Variants in MGMT observed in about 807,000 individuals in gnomAD.
MGMT encodes O-6-methylguanine-DNA methyltransferase.
In MGMT, 14 loss-of-function variants were observed where a neutral mutation model predicts 15.9. The observed-to-expected ratio is 0.88, with a 90% CI of 0.58 to 1.37. The LOEUF is 1.37. MGMT is among the 40% of genes most tolerant of loss of function. The pLI is 0.00. For synonymous variants in MGMT, 130 were observed against 118.2 expected, an observed-to-expected ratio of 1.10 and a Z score of -0.65; for missense variants, 282 against 268.1, an observed-to-expected ratio of 1.05 and a Z score of -0.36.
intron 3 of MGMT, among the ~76,000 whole-genome samples, chr10:129,746,347 C>CT (rs200061830): frequency 2.5e-4 from 38 of 150,196 alleles, no homozygotes; most frequent in African/African-American, 6.3e-4. Flanking sequence ...TTATCTCTCT[C>CT]TTTTTTTTAT....
At chr10:129,476,505 G>A (rs1006375819) in intron 1 of MGMT, among the ~76,000 whole-genome samples, 1 of 152,166 alleles carries the variant, frequency 6.6e-6, no homozygotes, top group African/African-American at 2.4e-5. Flanking sequence ...GGTCTCCAGG[G>A]GTGTCCTGGG....
chr10:129,738,966 C>T (rs200231643), intron 3 of MGMT, among the ~76,000 whole-genome samples: 8 of 152,168 alleles, frequency 5.3e-5, no homozygotes, highest in Non-Finnish European at 7.3e-5. Context: ...ACCATCAAGT[C>T]GGCTTCATCC....
At chr10:129,536,476 CA>C in intron 2 of MGMT, 99 bp downstream of exon 2, 2 of 1,452,604 alleles carry the variant, frequency 1.4e-6, no homozygotes, top group Non-Finnish European at 1.9e-6. Context: ...CAGGGTAACG[CA>C]TAGCCTTACC....
chr10:129,499,409 T>G (rs1313131397), intron 1 of MGMT, among the ~76,000 whole-genome samples: 1 of 152,244 alleles, frequency 6.6e-6, no homozygotes, highest in Non-Finnish European at 1.5e-5. Context: ...ATTAGCTTAT[T>G]TCTCAAATAT....
chr10:129,470,472 A>C (rs1467991089), intron 1 of MGMT, among the ~76,000 whole-genome samples: 2 of 152,222 alleles, frequency 1.3e-5, no homozygotes, highest in Admixed American at 6.5e-5. Context: ...AATGTAATGA[A>C]TGACTGACTT....
chr10:129,733,875 T>C (rs1166856544), intron 3 of MGMT, among the ~76,000 whole-genome samples: 3 of 152,142 alleles, frequency 2.0e-5, no homozygotes, highest in African/African-American at 2.4e-5. Flanking sequence ...GTTGTAGATA[T>C]GCGGCGTTAT....
chr10:129,498,690 T>C (rs572805208), intron 1 of MGMT, among the ~76,000 whole-genome samples: 109 of 152,180 alleles, frequency 7.2e-4, no homozygotes, highest in African/African-American at 2.5e-3. Context: ...AGCGCTTTCC[T>C]ACTTTCTGGG....
chr10:129,685,742 A>G (rs996095398), intron 2 of MGMT, among the ~76,000 whole-genome samples: 1 of 152,246 alleles, frequency 6.6e-6, no homozygotes, highest in Non-Finnish European at 1.5e-5. Context: ...AATCATTGCA[A>G]GAAGTCTAAT....
At chr10:129,726,132 G>C (rs1324598233) in intron 3 of MGMT, among the ~76,000 whole-genome samples, 2 of 152,030 alleles carry the variant, frequency 1.3e-5, no homozygotes, top group Non-Finnish European at 2.9e-5. Context: ...CTTTCCAAGT[G>C]GCGGGGCCTC....
At position 129,768,438 on chromosome 10, in the gene MGMT, C is replaced by T. The variant is rs1011965753; in HGVS notation, c.*1441C>T. Among the ~76,000 whole-genome samples, 4 of 152,262 alleles carry T rather than the reference C, an allele frequency of 2.6e-5. No homozygotes were observed. The highest frequency in any genetic ancestry group is 2.6e-4 in the Admixed American group (4 of 15,290). On this transcript the variant is annotated 3_prime_UTR_variant, in exon 5 of 5. Transcript: ENST00000651593. Reference sequence around the variant, plus strand: ...GGACAGGCCCTGGGCCTCCTTGCTCCTGGCAGGCCTCAGGTGCCGCACGCC... The same window carrying T: ...GGACAGGCCCTGGGCCTCCTTGCTCTTGGCAGGCCTCAGGTGCCGCACGCC...
At chr10:129,478,721 G>A (rs1056850322) in intron 1 of MGMT, among the ~76,000 whole-genome samples, 37 of 152,216 alleles carry the variant, frequency 2.4e-4, no homozygotes, top group African/African-American at 8.9e-4. Context: ...TGTGCCCCTG[G>A]CATCTGGCTT....
rs556487649 is a variant in MGMT, at chr10:129,484,724, A to G, written c.-13+17428A>G. ...GCTAGATTATGTTGTCTTTTAAAAA[A>G]CAGTTTTGGACTTTGTTCTGCTGCA... is the stretch of plus-strand genomic sequence containing the variant. On this transcript the variant is annotated intron_variant, in intron 1 of 4. Transcript: ENST00000651593. 4.6e-5 allele frequency among the ~76,000 whole-genome samples: 7 copies of G among 152,226 alleles called. No individual in the cohort carries two copies. In the South Asian group the frequency reaches 6.2e-4, roughly 14 times the overall value.
intron 2 of MGMT, among the ~76,000 whole-genome samples, chr10:129,620,489 C>A (rs1462661251): frequency 6.6e-6 from 1 of 152,302 alleles, no homozygotes; most frequent in East Asian, 1.9e-4. Context: ...TCAACTCTTG[C>A]CTTGTGCCTT....
intron 2 of MGMT, among the ~76,000 whole-genome samples, chr10:129,634,687 C>CT (rs1033389808): frequency 6.6e-5 from 10 of 151,834 alleles, no homozygotes; most frequent in East Asian, 1.9e-4. Flanking sequence ...CTCTTTGGAT[C>CT]TTTTTTTTAC....
At chr10:129,714,269 G>A (rs1163581516) in intron 3 of MGMT, among the ~76,000 whole-genome samples, 2 of 152,240 alleles carry the variant, frequency 1.3e-5, no homozygotes, top group Admixed American at 6.5e-5. Context: ...GCATATTGGT[G>A]AATTTCATGG....
intron 3 of MGMT, among the ~76,000 whole-genome samples, chr10:129,755,998 A>T (rs1848801885): frequency 6.6e-6 from 1 of 151,888 alleles, no homozygotes; most frequent in Non-Finnish European, 1.5e-5. Context: ...CTTGAGCTCC[A>T]CTCCATGGCG....
At chr10:129,552,257 C>A (rs1340003496) in intron 2 of MGMT, among the ~76,000 whole-genome samples, 1 of 152,172 alleles carries the variant, frequency 6.6e-6, no homozygotes, top group Non-Finnish European at 1.5e-5. Flanking sequence ...AACCACTGGG[C>A]CGTGACTGTG....
At chr10:129,695,939 T>C (rs935676572) in intron 2 of MGMT, among the ~76,000 whole-genome samples, 2 of 152,198 alleles carry the variant, frequency 1.3e-5, no homozygotes, top group Non-Finnish European at 2.9e-5. Context: ...TGTGGGCTTG[T>C]CATGATTCGG....
intron 2 of MGMT, among the ~76,000 whole-genome samples, chr10:129,636,842 A>G (rs1847270137): frequency 6.6e-6 from 1 of 152,260 alleles, no homozygotes; most frequent in Non-Finnish European, 1.5e-5. Context: ...AAAATAGTCT[A>G]CAATTAATGA....
Sources: gnomAD v4.1 joint callset for allele counts (sites outside exome capture counted in the v4.1 genomes callset) on GRCh38, gnomAD v4.1.1 for gene constraint, MANE v1.5 for transcripts, NCBI Gene and HGNC (gene_info 2026-07-23, HGNC 2026-07-21) for gene names.